The following NOC3L variants were observed in gnomAD, a reference collection of about 807,000 sequenced individuals.
The protein encoded by NOC3L is NOC3 like DNA replication regulator.
Under a neutral mutation model 102.5 loss-of-function variants are expected in NOC3L, and 85 were observed. The observed-to-expected ratio is 0.83, with a 90% CI of 0.70 to 0.99. The LOEUF (loss-of-function observed/expected upper bound fraction) is 0.99. Among genes scored for constraint, NOC3L ranks in the 50% least tolerant of loss-of-function variants. NOC3L has a pLI of 0.00. For synonymous variants in NOC3L, 303 were observed against 309.4 expected, an observed-to-expected ratio of 0.98 and a Z score of 0.22; for missense variants, 878 against 914.9, an observed-to-expected ratio of 0.96 and a Z score of 0.52.
At chr10:94,340,407 A>G in intron 15 of NOC3L, 26 bp downstream of exon 15, 1 of 1,611,944 alleles carries the variant, frequency 6.2e-7, no homozygotes, top group Non-Finnish European at 8.5e-7. Flanking sequence ...TAAGGCAAAC[A>G]AAACTTGATT....
At position 94,350,182 on chromosome 10, in the gene NOC3L, T is replaced by G; in HGVS notation, c.1059A>C (p.Leu353=). The change falls in exon 9 of 21, where the codon CTA becomes CTC. Residue 353 remains leucine, a synonymous_variant. Transcript: ENST00000371361. The part of the protein sequence containing the change: ...VKSLCELLVA[L]PHFNFHNNII... ...TGTTGTTGTGAAAGTTAAAATGAGG[T>G]AGTGCCACCAACAGCTCACACAAGC... 3 of 1,614,112 alleles carry G rather than the reference T, an allele frequency of 1.9e-6. No homozygotes were observed. Among genetic ancestry groups the G allele is most frequent in the African/African-American group, 1.3e-5 (1 of 75,014 alleles).
chr10:94,344,998 G>T, intron 11 of NOC3L, 65 bp from the exon 12 acceptor site: 1 of 1,129,576 alleles, frequency 8.9e-7, no homozygotes. Context: ...AGCAGAGGCA[G>T]AATACGTAAA....
chr10:94,334,967 G>A (rs1205069166), intron 19 of NOC3L, among the ~76,000 whole-genome samples: 4 of 152,170 alleles, frequency 2.6e-5, no homozygotes, highest in Non-Finnish European at 5.9e-5. Flanking sequence ...CAGAGAGAAA[G>A]CTAAGCTGAA....
At chr10:94,322,786 A>C in the NOC3L span, among the ~76,000 whole-genome samples, 4 of 145,210 alleles carry the variant, frequency 2.8e-5, no homozygotes, top group African/African-American at 1.0e-4. Flanking sequence ...ACTTCGTCTA[A>C]AAAAAAAAAA....
Position 94,334,232 on chromosome 10 carries a change from A to T in NOC3L, c.2348T>A (p.Val783Asp), listed in dbSNP as rs2054191421. 2 of 1,610,762 alleles carry T rather than the reference A, an allele frequency of 1.2e-6. No homozygotes were observed. The highest frequency in any genetic ancestry group is 2.2e-5 in the South Asian group (2 of 90,862). ...NQLIKRYSSE[V>D]ATESPLDFTK... The stretch of plus-strand genomic sequence containing the variant: ...GAAATCCAGAGGCGATTCAGTAGCA[A>T]CTTCACTGGAGTATCTTTTGATTAG... The change falls in exon 21 of 21, where the codon GTT becomes GAT. Residue 783 changes from valine to aspartate, a missense_variant. By Grantham distance (152) the Val-to-Asp change is radical. Transcript: ENST00000371361.
chr10:94,315,598 G>C, the NOC3L span: 5 of 429,138 alleles, frequency 1.2e-5, no homozygotes, highest in South Asian at 8.4e-5. Flanking sequence ...GTGAAACCCT[G>C]TCTCCACTAA....
the NOC3L span, among the ~76,000 whole-genome samples, chr10:94,317,311 A>C: frequency 6.6e-6 from 1 of 152,206 alleles, no homozygotes; most frequent in African/African-American, 2.4e-5. Context: ...CCATTTTAAA[A>C]ATAAATAAAA....
At chr10:94,344,390 A>C in intron 13 of NOC3L, 25 bp downstream of exon 13, 1 of 1,506,802 alleles carries the variant, frequency 6.6e-7, no homozygotes. Flanking sequence ...GGAATCTAAA[A>C]GATTTCAACC....
chr10:94,339,821 A>C lies in NOC3L; in HGVS notation c.1880T>G (p.Ile627Ser), dbSNP rs775709222. ...QVSQQRALAFIKRLCTLALHV... is the reference protein window; with the variant it reads ...QVSQQRALAFSKRLCTLALHV... The stretch of plus-strand genomic sequence containing the variant: ...AAGAGCAAGGGTACAAAGGCGTTTG[A>C]TGAAGGCAAGAGCTCGCTGCTGAGA... Residue 627 changes from isoleucine to serine, a missense_variant, in exon 17 of 21, where the codon ATC (isoleucine) becomes AGC (serine). By Grantham distance (142) the Ile-to-Ser change is moderately radical. Transcript: ENST00000371361. 1 of 1,614,224 alleles carries C rather than the reference A, an allele frequency of 6.2e-7. No homozygotes were observed. The highest frequency in any genetic ancestry group is 1.3e-5 in the African/African-American group (1 of 75,078).
chr10:94,322,202 G>A, the NOC3L span: 2 of 806,420 alleles, frequency 2.5e-6, no homozygotes, highest in Non-Finnish European at 2.1e-6. Flanking sequence ...TCTTAAGGCT[G>A]GGAAATTGCC....
chr10:94,335,229 C>T (rs1564907588), intron 19 of NOC3L, among the ~76,000 whole-genome samples: 1 of 152,116 alleles, frequency 6.6e-6, no homozygotes, highest in Non-Finnish European at 1.5e-5. Context: ...AACACATAGG[C>T]AAGGGCCTAC....
At chr10:94,340,027 C>G in intron 16 of NOC3L, 107 bp from the exon 17 acceptor site, 1 of 980,630 alleles carries the variant, frequency 1.0e-6, no homozygotes, top group Middle Eastern at 2.2e-4. Context: ...CTGTCCCAAA[C>G]CATTTCTCTA....
chr10:94,356,719 G>T, intron 4 of NOC3L, 128 bp from the exon 5 acceptor site: 1 of 638,770 alleles, frequency 1.6e-6, no homozygotes, highest in Non-Finnish European at 2.8e-6. Context: ...AGCACAATTA[G>T]TGATTGAGGT....
chr10:94,357,264 T>G lies in NOC3L; in HGVS notation c.418A>C (p.Thr140Pro). The change falls in exon 4 of 21, where the codon ACT becomes CCT. Residue 140 changes from threonine to proline, a missense_variant. Coordinates refer to ENST00000371361, the MANE Select transcript of NOC3L (RefSeq NM_022451.11). ...IIDKYEKIPR[T>P]LQTAPEKELI... ...TCCTTCTCTGGTGCAGTTTGCAGAG[T>G]TCTTGGTATTTTTTCATATTTATCT... 6.2e-7 allele frequency: 1 copy of G among 1,608,762 alleles called. No individual in the cohort carries two copies. Among genetic ancestry groups the G allele is most frequent in the Non-Finnish European group, 8.5e-7 (1 of 1,177,404 alleles).
the NOC3L span, among the ~76,000 whole-genome samples, chr10:94,320,609 G>A: frequency 1.3e-5 from 2 of 152,290 alleles, no homozygotes; most frequent in East Asian, 3.9e-4. Context: ...GAGAGATGAG[G>A]CTAGAATTCT....
intron 7 of NOC3L, 78 bp from the exon 8 acceptor site, chr10:94,352,481 C>A (rs1589574719): frequency 1.1e-6 from 1 of 884,458 alleles, no homozygotes; most frequent in Non-Finnish European, 1.8e-6. Flanking sequence ...ATATGTGTGT[C>A]TAGTATACAC....
At chr10:94,328,110 G>C in the NOC3L span, 106 of 396,596 alleles carry the variant, frequency 2.7e-4, 2 homozygotes, top group South Asian at 1.6e-3. Context: ...AAGCAAAATG[G>C]CACAGGGCTA....
intron 5 of NOC3L, 144 bp from the exon 6 acceptor site, chr10:94,355,237 C>T: frequency 1.7e-6 from 1 of 582,922 alleles, no homozygotes; most frequent in Non-Finnish European, 2.8e-6. Context: ...CTCAACAATA[C>T]AGGTACTATC....
chr10:94,346,321 T>C, intron 11 of NOC3L, 104 bp downstream of exon 11: 4 of 872,856 alleles, frequency 4.6e-6, no homozygotes, highest in Non-Finnish European at 6.5e-6. Flanking sequence ...TTCAAAACTT[T>C]TATGTTTATG....
Sources: allele counts gnomAD v4.1 joint callset (sites outside exome capture counted in the v4.1 genomes callset), GRCh38; gene constraint gnomAD v4.1.1; transcripts MANE v1.5; gene names NCBI Gene and HGNC (gene_info 2026-07-23, HGNC 2026-07-21).